The following ZC3H7B variants were observed in gnomAD, a reference collection of about 807,000 sequenced individuals.
The protein encoded by ZC3H7B is zinc finger CCCH domain-containing protein 7B.
ZC3H7B carries 35 observed loss-of-function variants against 116.0 expected under a neutral mutation model. The ratio of observed to expected loss-of-function variants is 0.30; its 90% confidence interval spans 0.23 to 0.40. The LOEUF is 0.40. Among genes scored for constraint, ZC3H7B ranks in the 10% least tolerant of loss-of-function variants. The probability of loss-of-function intolerance (pLI) is 1.00; values close to 1 mark genes in which losing one functional copy is unlikely to be tolerated. For synonymous variants in ZC3H7B, 502 were observed against 545.6 expected, an observed-to-expected ratio of 0.92 and a Z score of 1.11; for missense variants, 1,011 against 1,321.5, an observed-to-expected ratio of 0.77 and a Z score of 3.64.
chr22:41,333,905 C>T (rs1227150846), intron 7 of ZC3H7B: 2 of 152,208 alleles, frequency 1.3e-5, no homozygotes, highest in East Asian at 3.8e-4. Flanking sequence ...GACTGGGAGC[C>T]CTGATTTAGA....
intron 17 of ZC3H7B, 47 bp from the exon 18 acceptor site, chr22:41,355,422 G>C (rs759426726): frequency 8.7e-6 from 14 of 1,608,594 alleles, no homozygotes; most frequent in Non-Finnish European, 1.2e-5. Context: ...AGGGCCTCAG[G>C]CCTGGTGCCT....
In ZC3H7B at chr22:41,341,709, T is replaced by C. The variant is rs533835514; in HGVS notation, c.1197+563T>C. Among the ~76,000 whole-genome samples the C allele has an allele frequency of 2.6e-5, 4 of 151,268 alleles. No individual in the cohort carries two copies. In the East Asian group the frequency reaches 5.9e-4, roughly 22 times the overall value. On this transcript the variant is annotated intron_variant, in intron 11 of 22. Transcript: ENST00000352645. ...AGTGAGCCGAGATCGCGCCACTGCA[T>C]TCCAGCCTGGGCGACAGAGCGAGAC...
chr22:41,310,074 G>A (rs1358535766), intron 1 of ZC3H7B, among the ~76,000 whole-genome samples: 1 of 151,914 alleles, frequency 6.6e-6, no homozygotes, highest in Non-Finnish European at 1.5e-5. Flanking sequence ...GCGTGGTGGC[G>A]GGCACCTGTA....
intron 2 of ZC3H7B, among the ~76,000 whole-genome samples, chr22:41,324,758 G>A (rs2036296535): frequency 6.6e-6 from 1 of 152,202 alleles, no homozygotes; most frequent in Admixed American, 6.5e-5. Context: ...GGGCAGGGGA[G>A]GGGCCTGAGG....
chr22:41,351,488 C>T lies in ZC3H7B; in HGVS notation c.1949-73C>T. On this transcript the variant is annotated intron_variant, in intron 16 of 22. Transcript: ENST00000352645. The surrounding 1 kb of genome is among the most constrained non-coding windows in gnomAD (Gnocchi z 5.1). ...AGCTGGGCCTCGGGGGTCCCTGGCA[C>T]CTCGTGGACCCCCTGCCTCCCTCCT... is the stretch of plus-strand genomic sequence containing the variant. The T allele has an allele frequency of 1.4e-6, 2 of 1,409,344 alleles. No homozygotes were observed. The highest frequency in any genetic ancestry group is 1.9e-6 in the Non-Finnish European group (2 of 1,028,326). The allele number at this position is 1,409,344 out of a possible 1,614,324, so 87.3% of individuals were successfully genotyped here.
At position 41,349,321 on chromosome 22, in the gene ZC3H7B, G is replaced by T. The variant is rs752966581; in HGVS notation, c.1948+20G>T. 7 of 1,610,158 alleles carry T rather than the reference G, an allele frequency of 4.3e-6. No individual in the cohort carries two copies. Among genetic ancestry groups the T allele is most frequent in the Non-Finnish European group, 5.1e-6 (6 of 1,177,682 alleles). On this transcript the variant is annotated intron_variant, in intron 16 of 22. Coordinates refer to ENST00000352645, the MANE Select transcript of ZC3H7B (RefSeq NM_017590.6). This position sits in a 1 kb window ranked among gnomAD's most constrained non-coding sequence, Gnocchi z 4.9. ...ACTCAGGTGAGGGGCAGGCGGTGCAGGTGGAGGGCAGGTGACTCAGGTGAG... is the reference window on the plus strand; with the variant it reads ...ACTCAGGTGAGGGGCAGGCGGTGCATGTGGAGGGCAGGTGACTCAGGTGAG...
chr22:41,348,214 A>C (rs1028953403), intron 15 of ZC3H7B, 47 bp downstream of exon 15: 1 of 1,547,854 alleles, frequency 6.5e-7, no homozygotes, highest in Non-Finnish European at 8.9e-7. Flanking sequence ...GCCAGTGGAG[A>C]GTCCCCTCAG....
At chr22:41,344,421 G>T (rs546169573) in intron 13 of ZC3H7B, among the ~76,000 whole-genome samples, 2 of 152,306 alleles carry the variant, frequency 1.3e-5, no homozygotes, top group African/African-American at 4.8e-5. Context: ...ACCTACACGT[G>T]CCCGTATCCA....
chr22:41,320,528 C>A, intron 1 of ZC3H7B, 127 bp from the exon 2 acceptor site: 1 of 1,095,684 alleles, frequency 9.1e-7, no homozygotes, highest in Non-Finnish European at 1.4e-6. Context: ...AGGGACACGC[C>A]TCCCGACATG....
intron 19 of ZC3H7B, 39 bp downstream of exon 19, chr22:41,355,901 G>T: frequency 6.2e-7 from 1 of 1,610,854 alleles, no homozygotes; most frequent in Non-Finnish European, 8.5e-7. Flanking sequence ...CCCCCAGGAG[G>T]CAGCGATGCT....
At chr22:41,330,817 C>T (rs963049002) in intron 6 of ZC3H7B, among the ~76,000 whole-genome samples, 4 of 150,834 alleles carry the variant, frequency 2.7e-5, no homozygotes, top group African/African-American at 9.8e-5. Context: ...TGGCACATGC[C>T]TGTAATCCCA....
chr22:41,315,390 A>G (rs2036169983), intron 1 of ZC3H7B, among the ~76,000 whole-genome samples: 1 of 112,688 alleles, frequency 8.9e-6, no homozygotes, highest in Non-Finnish European at 1.7e-5. Context: ...GAGTCTTGCT[A>G]TGTTGCCTGG....
At chr22:41,352,086 T>C (rs2036660110) in intron 17 of ZC3H7B, among the ~76,000 whole-genome samples, 1 of 152,238 alleles carries the variant, frequency 6.6e-6, no homozygotes, top group African/African-American at 2.4e-5. Flanking sequence ...TCCTCCCACC[T>C]TGGCCTCCCA....
Position 41,357,576 on chromosome 22 carries a change from TC to T in ZC3H7B, c.*151del. On this transcript the variant is annotated 3_prime_UTR_variant, in exon 23 of 23. Coordinates refer to ENST00000352645, the MANE Select transcript of ZC3H7B (RefSeq NM_017590.6). The surrounding 1 kb of genome is among the most constrained non-coding windows in gnomAD (Gnocchi z 5.4). ...GCCCCCTGAGGCCCTGTCCATCTTC[TC>T]CCCACCACCGCCCCGGTGTGCGTAC... 1.8e-6 allele frequency: 2 copies of T among 1,098,294 alleles called. No homozygotes were observed. The highest frequency in any genetic ancestry group is 2.5e-6 in the Non-Finnish European group (2 of 793,112). 68.0% of individuals were successfully genotyped at this position (1,098,294 alleles called of 1,614,324 possible). A position where few individuals can be genotyped will look rare whatever the true frequency, so the allele number is the denominator to read the frequency against.
At chr22:41,310,930 A>G (rs1021316228) in intron 1 of ZC3H7B, among the ~76,000 whole-genome samples, 1 of 151,760 alleles carries the variant, frequency 6.6e-6, no homozygotes, top group Admixed American at 6.6e-5. Flanking sequence ...ACCCCCGGCT[A>G]ATTTTTTTGT....
In ZC3H7B at chr22:41,338,997, G is replaced by T. The variant is rs371290220; in HGVS notation, c.626-4G>T. The T allele has an allele frequency of 1.7e-5, 27 of 1,549,442 alleles. No individual in the cohort carries two copies. The highest frequency in any genetic ancestry group is 2.3e-5 in the East Asian group (1 of 42,606). Reference sequence around the variant, plus strand: ...CCTTCGGCTCTTGCCCACCCCATCCGCAGACTGCTACGTGGACCCTCGAGG... The same window carrying T: ...CCTTCGGCTCTTGCCCACCCCATCCTCAGACTGCTACGTGGACCCTCGAGG... On this transcript the variant is annotated splice_polypyrimidine_tract_variant and splice_region_variant and intron_variant, in intron 8 of 22. Coordinates refer to ENST00000352645, the MANE Select transcript of ZC3H7B (RefSeq NM_017590.6). This position sits in a 1 kb window ranked among gnomAD's most constrained non-coding sequence, Gnocchi z 4.5.
Position 41,349,386 on chromosome 22 carries a change from G to GAAGT in ZC3H7B, c.1948+85_1948+86insAAGT. On this transcript the variant is annotated intron_variant, in intron 16 of 22. Transcript: ENST00000352645. The surrounding 1 kb of genome is among the most constrained non-coding windows in gnomAD (Gnocchi z 4.9). ...GGTGAAGGGAGCGCAGGACTGACTG[G>GAAGT]GGTGACAGGCCAGGGCCCCATGGTC... 6.5e-7 allele frequency: 1 copy of GAAGT among 1,544,028 alleles called. No homozygotes were observed. The highest frequency in any genetic ancestry group is 1.2e-5 in the South Asian group (1 of 83,072).
At chr22:41,309,212 G>A (rs1403836241) in intron 1 of ZC3H7B, among the ~76,000 whole-genome samples, 7 of 151,642 alleles carry the variant, frequency 4.6e-5, no homozygotes, top group Admixed American at 6.6e-5. Context: ...GGGTTTCACC[G>A]TGTTAGCCAG....
In ZC3H7B at chr22:41,339,983, C is replaced by A. The variant is rs1475115912; in HGVS notation, c.984C>A (p.Ser328=). ...PASFGLVMDP[S]KKLAASVLDA... ...CCTTCGGCTTGGTCATGGACCCCTC[C>A]AAGAAGCTGGCCGCCTCTGTGCTGG... Residue 328 remains serine (S), a synonymous_variant, in exon 10 of 23, where the codon TCC becomes TCA. Transcript: ENST00000352645. The A allele has an allele frequency of 1.2e-6, 2 of 1,611,762 alleles. No individual in the cohort carries two copies. Among genetic ancestry groups the A allele is most frequent in the Non-Finnish European group, 8.5e-7 (1 of 1,180,000 alleles).
Sources: gnomAD v4.1 joint callset for allele counts (sites outside exome capture counted in the v4.1 genomes callset) on GRCh38, gnomAD v4.1.1 for gene constraint, Gnocchi (gnomAD v3.1) non-coding constraint, MANE v1.5 for transcripts, NCBI Gene and HGNC (gene_info 2026-07-23, HGNC 2026-07-21) for gene names.